The following ZNF398 variants were observed in gnomAD, a reference collection of about 807,000 sequenced individuals.
ZNF398 encodes the protein zinc finger DNA binding protein ZER6.
A neutral mutation model predicts 41.9 loss-of-function variants in ZNF398; 18 were observed. That is an observed-to-expected ratio of 0.43 (90% confidence interval 0.30 to 0.64). The LOEUF is 0.64. ZNF398 is among the 30% of genes least tolerant of loss of function. The pLI, the probability that ZNF398 is intolerant of heterozygous loss-of-function variation, is 0.14. For synonymous variants in ZNF398, 260 were observed against 308.8 expected (o/e 0.84, Z 1.66); for missense variants, 669 against 822.8 (o/e 0.81, Z 2.29).
rs1408690689 is a variant in ZNF398 at position 149,147,752 on chromosome 7, GCGGCCC to G, written c.20_24+1del. ...TAGACAGCGCAGGGCCATGGCTGAGGCGGCCCCGGCCCCGGTAAGGGCGGCCGCGCG... is the reference window on the plus strand; with the variant it reads ...TAGACAGCGCAGGGCCATGGCTGAGGCGGCCCCGGTAAGGGCGGCCGCGCG... On this transcript the variant is annotated inframe_deletion, in exon 1 of 6. Transcript: ENST00000475153. The surrounding 1 kb of genome is among the most constrained non-coding windows in gnomAD (Gnocchi z 5.6). 2.2e-6 allele frequency: 3 copies of G among 1,383,884 alleles called. No individual in the cohort carries two copies. The highest frequency in any genetic ancestry group is 3.0e-5 in the African/African-American group (2 of 65,934). The allele number at this position is 1,383,884 out of a possible 1,614,324, so 85.7% of individuals were successfully genotyped here. A position where few individuals can be genotyped will look rare whatever the true frequency, so the allele number is the denominator to read the frequency against.
chr7:149,154,637 C>T (rs749921005), intron 2 of ZNF398, among the ~76,000 whole-genome samples: 14 of 152,110 alleles, frequency 9.2e-5, no homozygotes, highest in Non-Finnish European at 1.8e-4. Flanking sequence ...ACCCATGAGC[C>T]GCTTCTTTCT....
At position 149,179,176 on chromosome 7, in the gene ZNF398, G is replaced by A. The variant is rs777710620; in HGVS notation, c.1304G>A (p.Arg435His). Residue 435 changes from arginine (R) to histidine (H), a missense_variant, in exon 6 of 6, where the codon CGC becomes CAC. By Grantham distance (29) the Arg-to-His change is conservative. Coordinates refer to ENST00000475153, the MANE Select transcript of ZNF398 (RefSeq NM_170686.3). This position sits in a 1 kb window ranked among gnomAD's most constrained non-coding sequence, Gnocchi z 6.1. ...RPFPCPDCPK[R>H]FADQARLTSH... is the part of the protein sequence containing the mutation. ...TTCCCCTGTCCTGATTGCCCCAAGC[G>A]CTTTGCTGACCAGGCTCGACTCACC... 11 of 1,613,584 alleles carry A rather than the reference G, an allele frequency of 6.8e-6. No individual in the cohort carries two copies. Among genetic ancestry groups the A allele is most frequent in the Non-Finnish European group, 9.3e-6 (11 of 1,180,006 alleles).
At chr7:149,137,959 G>A (rs1323759039) in intron 2 of ZNF398, among the ~76,000 whole-genome samples, 8 of 152,032 alleles carry the variant, frequency 5.3e-5, no homozygotes, top group Non-Finnish European at 8.8e-5. Flanking sequence ...CAGCACTTTG[G>A]AAGGCCGAGG....
chr7:149,126,493 C>G (rs560980718), exon 1 of ZNF398: 2 of 529,732 alleles, frequency 3.8e-6, no homozygotes, highest in Admixed American at 3.9e-5. Flanking sequence ...CTTGGACTCC[C>G]GGATCTGCAT....
In ZNF398 at chr7:149,180,109, G is replaced by C. The variant is rs1369324340; in HGVS notation, c.*308G>C. 1 of 245,550 alleles carries C rather than the reference G, an allele frequency of 4.1e-6. No individual in the cohort carries two copies. Among genetic ancestry groups the C allele is most frequent in the Non-Finnish European group, 7.9e-6 (1 of 126,788 alleles). The allele number at this position is 245,550 out of a possible 1,614,324, so 15.2% of individuals were successfully genotyped here. A position where few individuals can be genotyped will look rare whatever the true frequency, so the allele number is the denominator to read the frequency against. On this transcript the variant is annotated 3_prime_UTR_variant, in exon 6 of 6. Coordinates refer to ENST00000475153, the MANE Select transcript of ZNF398 (RefSeq NM_170686.3). ...GTTGGAAAGCAGGATTTAACCTCTA[G>C]TTCTCTTGTTCTCAGAGAACAGCAG...
Position 149,176,570 on chromosome 7 carries a change from G to A in ZNF398, c.764G>A (p.Ser255Asn), listed in dbSNP as rs117490281. Residue 255 changes from serine (S) to asparagine (N), a missense_variant, in exon 5 of 6, where the codon AGC becomes AAC. Coordinates refer to ENST00000475153, the MANE Select transcript of ZNF398 (RefSeq NM_170686.3). ...PESKESDVYK[S>N]TYADEELVIK... ...TCCAAGGAGAGTGACGTGTACAAAA[G>A]CACTTATGCTGGTGAGTATGAAATT... 869 of 1,604,628 alleles carry A rather than the reference G, an allele frequency of 5.4e-4. No individual in the cohort carries two copies. Among genetic ancestry groups the A allele is most frequent in the Non-Finnish European group, 6.9e-4 (808 of 1,175,794 alleles).
intron 2 of ZNF398, among the ~76,000 whole-genome samples, chr7:149,157,723 A>G (rs1272709447): frequency 6.6e-6 from 1 of 151,450 alleles, no homozygotes; most frequent in Non-Finnish European, 1.5e-5. Flanking sequence ...CTGTAGTCCC[A>G]GCTACTTGGG....
intron 4 of ZNF398, among the ~76,000 whole-genome samples, chr7:149,169,532 G>A (rs1795288023): frequency 6.6e-6 from 1 of 152,108 alleles, no homozygotes; most frequent in Non-Finnish European, 1.5e-5. Flanking sequence ...GATCAGTGCA[G>A]CCTGTGCCTC....
At chr7:149,151,126 A>G (rs1827100778) in intron 1 of ZNF398, 1 of 676,656 alleles carries the variant, frequency 1.5e-6, no homozygotes, top group Non-Finnish European at 1.9e-6. Context: ...CATGGAGGGC[A>G]CAAGTCAGTG....
At chr7:149,157,387 T>C (rs896269061) in intron 2 of ZNF398, among the ~76,000 whole-genome samples, 4 of 150,214 alleles carry the variant, frequency 2.7e-5, no homozygotes, top group Non-Finnish European at 5.9e-5. Flanking sequence ...TATATAAAAT[T>C]AGCCGGGCGT....
At chr7:149,134,171 TCTC>T (rs757156397) in intron 2 of ZNF398, among the ~76,000 whole-genome samples, 1 of 150,440 alleles carries the variant, frequency 6.6e-6, no homozygotes, top group Non-Finnish European at 1.5e-5. Context: ...TTCAAGCAAT[TCTC>T]CTGCCTCAGC....
At position 149,159,763 on chromosome 7, in the gene ZNF398, C is replaced by G. The variant is rs145991340; in HGVS notation, c.420+5423C>G. On this transcript the variant is annotated intron_variant, in intron 2 of 5. Transcript: ENST00000475153. The stretch of plus-strand genomic sequence containing the variant: ...TTTGAGATGGAGTCTCACTCTGTCT[C>G]TGTTAGAAAGATGGAGTGCAGTGGC... Among the ~76,000 whole-genome samples, 128 of 151,636 alleles carry G rather than the reference C, an allele frequency of 8.4e-4. 1 individual carries two copies. Among genetic ancestry groups the G allele is most frequent in the Middle Eastern group, 3.4e-3 (1 of 292 alleles).
intron 4 of ZNF398, among the ~76,000 whole-genome samples, chr7:149,171,090 C>T (rs1795330481): frequency 6.6e-6 from 1 of 150,696 alleles, no homozygotes; most frequent in Non-Finnish European, 1.5e-5. Context: ...CCTCATGATC[C>T]ACCTACCTTG....
At chr7:149,164,408 A>AAAAAAT (rs1448457227) in intron 2 of ZNF398, among the ~76,000 whole-genome samples, 56 of 152,304 alleles carry the variant, frequency 3.7e-4, no homozygotes, top group African/African-American at 1.2e-3. Context: ...CTCCGTCTCA[A>AAAAAAT]AAAAATAAAA....
chr7:149,177,254 C>G (rs901513446), intron 5 of ZNF398, among the ~76,000 whole-genome samples: 5 of 151,706 alleles, frequency 3.3e-5, no homozygotes, highest in Non-Finnish European at 5.9e-5. Context: ...TGTTAAGTGT[C>G]AAGGATGAGT....
chr7:149,176,624 C>T, intron 5 of ZNF398, 43 bp downstream of exon 5: 1 of 1,284,876 alleles, frequency 7.8e-7, no homozygotes, highest in Non-Finnish European at 1.1e-6. Context: ...ATATCCAGCT[C>T]ATGCCAGGAC....
At chr7:149,152,727 G>A (rs141144857) in intron 1 of ZNF398, among the ~76,000 whole-genome samples, 107 of 151,914 alleles carry the variant, frequency 7.0e-4, no homozygotes, top group African/African-American at 2.4e-3. Flanking sequence ...CACGATGGCC[G>A]GCTAATTTTG....
Position 149,147,869 on chromosome 7 carries a change from G to A in ZNF398, c.24+103G>A, listed in dbSNP as rs760416773. On this transcript the variant is annotated intron_variant, in intron 1 of 5. Transcript: ENST00000475153. The surrounding 1 kb of genome is among the most constrained non-coding windows in gnomAD (Gnocchi z 5.6). Reference sequence around the variant, plus strand: ...TGCCAGGCATAGGCGCCGTTCTCGGGTCCCGCCGGCCACGTCGCCTGTCGC... The same window carrying A: ...TGCCAGGCATAGGCGCCGTTCTCGGATCCCGCCGGCCACGTCGCCTGTCGC... 4.7e-5 allele frequency: 59 copies of A among 1,259,414 alleles called. No homozygotes were observed. Among genetic ancestry groups the A allele is most frequent in the Non-Finnish European group, 6.0e-5 (59 of 985,928 alleles). 78.0% of individuals were successfully genotyped at this position (1,259,414 alleles called of 1,614,324 possible). A position where few individuals can be genotyped will look rare whatever the true frequency, so the allele number is the denominator to read the frequency against.
chr7:149,141,281 T>G (rs1826817902), intron 2 of ZNF398, among the ~76,000 whole-genome samples: 1 of 142,532 alleles, frequency 7.0e-6, no homozygotes, highest in African/African-American at 2.6e-5. Context: ...ACAACTGTTC[T>G]CTCTAATCCA....
Sources: gnomAD v4.1 joint callset for allele counts (sites outside exome capture counted in the v4.1 genomes callset) on GRCh38, gnomAD v4.1.1 for gene constraint, Gnocchi (gnomAD v3.1) non-coding constraint, MANE v1.5 for transcripts, NCBI Gene and HGNC (gene_info 2026-07-23, HGNC 2026-07-21) for gene names.